The following UFC1 variants were observed in gnomAD, a reference collection of about 807,000 sequenced individuals.
UFC1 encodes ubiquitin-fold modifier conjugating enzyme 1.
In UFC1, 22 loss-of-function variants were observed where a neutral mutation model predicts 28.0. The observed-to-expected ratio is 0.78, with a 90% confidence interval of 0.56 to 1.12. UFC1 has a LOEUF of 1.12. Among genes scored for constraint, UFC1 ranks in the 50% most tolerant of loss-of-function variants. The pLI, the probability that UFC1 is intolerant of heterozygous loss-of-function variation, is 0.00. For synonymous variants in UFC1, 61 were observed against 74.5 expected (o/e 0.82, Z 0.93); for missense variants, 189 against 207.8 (o/e 0.91, Z 0.56).
At chr1:161,156,257 G>C (rs547326271) in intron 1 of UFC1, among the ~76,000 whole-genome samples, 7 of 152,104 alleles carry the variant, frequency 4.6e-5, no homozygotes, top group Non-Finnish European at 1.0e-4. Context: ...TAGGCTGGGC[G>C]TGGTGGCTCA....
At position 161,154,181 on chromosome 1, in the gene UFC1, C is replaced by CA. The variant is rs982856274; in HGVS notation, c.123+63dup. On this transcript the variant is annotated intron_variant, in intron 1 of 5. Transcript: ENST00000368003. ...AGGGTTGGGAGAAATCAGGTGTCCTCAATAATAGGCTCCGTGTGGAAGCCG... is the reference window on the plus strand; with the variant it reads ...AGGGTTGGGAGAAATCAGGTGTCCTCAAATAATAGGCTCCGTGTGGAAGCCG... 4 of 1,589,090 alleles carry CA rather than the reference C, an allele frequency of 2.5e-6. No homozygotes were observed. The African/African-American group carries it at 5.4e-5, about 21-fold the overall frequency.
rs768838282 is a variant in UFC1 at position 161,154,016 on chromosome 1, C to G, written c.19C>G (p.Arg7Gly). The G allele has an allele frequency of 2.5e-6, 4 of 1,614,054 alleles. No homozygotes were observed. The highest frequency in any genetic ancestry group is 1.7e-5 in the Admixed American group (1 of 60,016). The change falls in exon 1 of 6, where the codon CGA (arginine) becomes GGA (glycine). Residue 7 changes from arginine to glycine, a missense_variant. By Grantham distance (125) the Arg-to-Gly change is moderately radical. Transcript: ENST00000368003. The part of the protein sequence containing the change: MADEAT[R>G]RVVSEIPVLK... ...GTCCAAGATGGCGGATGAAGCCACG[C>G]GACGTGTTGTGTCTGAGATCCCGGT...
intron 1 of UFC1, among the ~76,000 whole-genome samples, chr1:161,155,671 G>T (rs2101789170): frequency 6.6e-6 from 1 of 152,296 alleles, no homozygotes; most frequent in Non-Finnish European, 1.5e-5. Flanking sequence ...AGGAGAGGTA[G>T]ATTTGTAGAA....
In UFC1 at chr1:161,158,646, A is replaced by T; in HGVS notation, c.*154A>T. 1 of 730,048 alleles carries T rather than the reference A, an allele frequency of 1.4e-6. No homozygotes were observed. Among genetic ancestry groups the T allele is most frequent in the Non-Finnish European group, 2.3e-6 (1 of 425,740 alleles). The allele number at this position is 730,048 out of a possible 1,614,324, so 45.2% of individuals were successfully genotyped here. On this transcript the variant is annotated 3_prime_UTR_variant, in exon 6 of 6. Coordinates refer to ENST00000368003, the MANE Select transcript of UFC1 (RefSeq NM_016406.4). Reference sequence around the variant, plus strand: ...TGCAGTAGGCATTGCTGGGGAAGAAACAAACACACACCAAACAGTACTGCT... The same window carrying T: ...TGCAGTAGGCATTGCTGGGGAAGAATCAAACACACACCAAACAGTACTGCT...
Position 161,158,590 on chromosome 1 carries a change from C to T in UFC1, c.*98C>T. The T allele has an allele frequency of 7.9e-7, 1 of 1,271,224 alleles. No individual in the cohort carries two copies. The highest frequency in any genetic ancestry group is 1.1e-6 in the Non-Finnish European group (1 of 883,916). The allele number at this position is 1,271,224 out of a possible 1,614,324, so 78.7% of individuals were successfully genotyped here. A position where few individuals can be genotyped will look rare whatever the true frequency, so the allele number is the denominator to read the frequency against. Reference sequence around the variant, plus strand: ...TAACTCATCTAACTGCTTCCCCGGACACCCTCCACCTCTAGTTGTTACTAA... The same window carrying T: ...TAACTCATCTAACTGCTTCCCCGGATACCCTCCACCTCTAGTTGTTACTAA... On this transcript the variant is annotated 3_prime_UTR_variant, in exon 6 of 6. Transcript: ENST00000368003.
At position 161,158,461 on chromosome 1, in the gene UFC1, T is replaced by A; in HGVS notation, c.473T>A (p.Val158Asp). ...VEIPDLIQKG[V>D]IQHKEKCNQ is the part of the protein sequence containing the mutation. ...ATCCCTGATCTGATTCAGAAGGGCG[T>A]CATCCAACACAAAGAGAAATGCAAC... The change falls in exon 6 of 6, where the codon GTC (valine) becomes GAC (aspartate). Residue 158 changes from valine to aspartate, a missense_variant. Physicochemically the swap from Val to Asp is radical, Grantham distance 152. Coordinates refer to ENST00000368003, the MANE Select transcript of UFC1 (RefSeq NM_016406.4). 1.2e-6 allele frequency: 2 copies of A among 1,614,142 alleles called. No homozygotes were observed. The highest frequency in any genetic ancestry group is 1.7e-6 in the Non-Finnish European group (2 of 1,180,042).
intron 3 of UFC1, 26 bp downstream of exon 3, chr1:161,157,343 G>A (rs1323358710): frequency 1.2e-6 from 2 of 1,613,652 alleles, no homozygotes; most frequent in African/African-American, 2.7e-5. Flanking sequence ...TGGGAAATAT[G>A]AAGGTTAGTA....
intron 1 of UFC1, among the ~76,000 whole-genome samples, chr1:161,154,401 A>G (rs1657449584): frequency 6.6e-6 from 1 of 152,188 alleles, no homozygotes; most frequent in Admixed American, 6.5e-5. Flanking sequence ...CCCTGGCTAC[A>G]GGTGTTTGTT....
At chr1:161,156,686 A>G (rs1308999843) in intron 1 of UFC1, among the ~76,000 whole-genome samples, 1 of 151,766 alleles carries the variant, frequency 6.6e-6, no homozygotes, top group African/African-American at 2.4e-5. Flanking sequence ...TACTAAAAAT[A>G]CAAAAATTAT....
intron 1 of UFC1, among the ~76,000 whole-genome samples, chr1:161,156,182 C>A (rs1433686645): frequency 2.0e-5 from 3 of 152,146 alleles, no homozygotes; most frequent in Non-Finnish European, 4.4e-5. Context: ...CCCCCACTTA[C>A]CAGTATAGCC....
At chr1:161,157,907 A>G in intron 4 of UFC1, 2 of 465,798 alleles carry the variant, frequency 4.3e-6, no homozygotes, top group Non-Finnish European at 3.8e-6. Context: ...GATGTAAGGA[A>G]AAAAAAAAAA....
In UFC1 at chr1:161,158,665, T is replaced by C. The variant is rs1021475705; in HGVS notation, c.*173T>C. The C allele has an allele frequency of 3.0e-6, 2 of 664,102 alleles. No homozygotes were observed. Among genetic ancestry groups the C allele is most frequent in the African/African-American group, 3.6e-5 (2 of 55,818 alleles). 41.1% of individuals were successfully genotyped at this position (664,102 alleles called of 1,614,324 possible). On this transcript the variant is annotated 3_prime_UTR_variant, in exon 6 of 6. Transcript: ENST00000368003. ...GAAGAAACAAACACACACCAAACAGTACTGCTACTTAGTTTCTAAGGCTGC... is the reference window on the plus strand; with the variant it reads ...GAAGAAACAAACACACACCAAACAGCACTGCTACTTAGTTTCTAAGGCTGC...
Position 161,154,027 on chromosome 1 carries a change from G to T in UFC1, c.30G>T (p.Val10=), listed in dbSNP as rs769539451. MADEATRRV[V]SEIPVLKTNA... is the part of the protein sequence containing the mutation. ...CGGATGAAGCCACGCGACGTGTTGT[G>T]TCTGAGATCCCGGTGCTGAAGACTA... Residue 10 remains valine (V), a synonymous_variant, in exon 1 of 6, where the codon GTG becomes GTT. Transcript: ENST00000368003. 1 of 1,614,170 alleles carries T rather than the reference G, an allele frequency of 6.2e-7. No individual in the cohort carries two copies. The highest frequency in any genetic ancestry group is 8.5e-7 in the Non-Finnish European group (1 of 1,180,048).
intron 1 of UFC1, 147 bp downstream of exon 1, chr1:161,154,267 G>A: frequency 3.0e-6 from 4 of 1,345,238 alleles, no homozygotes; most frequent in Admixed American, 2.2e-5. Context: ...GGGGCTCGGG[G>A]ACTAAGGAGG....
chr1:161,155,135 C>G (rs1279047506), intron 1 of UFC1, among the ~76,000 whole-genome samples: 1 of 152,092 alleles, frequency 6.6e-6, no homozygotes, highest in African/African-American at 2.4e-5. Flanking sequence ...CAGATATGGA[C>G]AGATATAAAG....
At chr1:161,154,186 A>G in intron 1 of UFC1, 66 bp downstream of exon 1, 1 of 1,588,172 alleles carries the variant, frequency 6.3e-7, no homozygotes. Context: ...GTCCTCAATA[A>G]TAGGCTCCGT....
chr1:161,154,185 A>C (rs893451458), intron 1 of UFC1, 65 bp downstream of exon 1: 72 of 1,588,182 alleles, frequency 4.5e-5, no homozygotes, highest in Non-Finnish European at 5.7e-5. Flanking sequence ...TGTCCTCAAT[A>C]ATAGGCTCCG....
intron 1 of UFC1, among the ~76,000 whole-genome samples, chr1:161,154,683 C>T (rs1657460444): frequency 6.6e-6 from 1 of 152,176 alleles, no homozygotes; most frequent in African/African-American, 2.4e-5. Flanking sequence ...CGGGGTTTCA[C>T]CGTGTTGGCC....
chr1:161,158,320 G>T, intron 5 of UFC1, 92 bp from the exon 6 acceptor site: 1 of 1,579,274 alleles, frequency 6.3e-7, no homozygotes, highest in Non-Finnish European at 8.7e-7. Context: ...CCTTAAGCAT[G>T]TTCCCCCAGA....
Sources: gnomAD v4.1 joint callset for allele counts (sites outside exome capture counted in the v4.1 genomes callset) on GRCh38, gnomAD v4.1.1 for gene constraint, MANE v1.5 for transcripts, NCBI Gene and HGNC (gene_info 2026-07-23, HGNC 2026-07-21) for gene names.